FAM114A2: variants seen among roughly 807,000 people sequenced by gnomAD.
FAM114A2 encodes protein FAM114A2.
FAM114A2 carries 53 observed loss-of-function variants against 58.4 expected under a neutral mutation model. The observed-to-expected ratio is 0.91, with a 90% confidence interval of 0.73 to 1.14. FAM114A2 has a LOEUF of 1.14. Among genes scored for constraint, FAM114A2 ranks in the 50% most tolerant of loss-of-function variants. The pLI, the probability that FAM114A2 is intolerant of heterozygous loss-of-function variation, is 0.00. For missense variants in FAM114A2, 601 were observed against 581.1 expected (o/e 1.03, Z -0.35); for synonymous variants, 228 against 211.4 (o/e 1.08, Z -0.68).
chr5:154,006,876 A>C (rs1183723080), intron 9 of FAM114A2, among the ~76,000 whole-genome samples: 2 of 150,712 alleles, frequency 1.3e-5, no homozygotes, highest in Non-Finnish European at 2.9e-5. Flanking sequence ...AGCTCACTGC[A>C]ACCTCTGCCA....
At chr5:153,998,157 A>G (rs1345022935) in intron 11 of FAM114A2, among the ~76,000 whole-genome samples, 1 of 152,154 alleles carries the variant, frequency 6.6e-6, no homozygotes, top group African/African-American at 2.4e-5. Flanking sequence ...GTGTGATGAA[A>G]TCTCTCATTG....
At position 154,029,478 on chromosome 5, in the gene FAM114A2, T is replaced by C; in HGVS notation, c.495+11A>G. ...GGAAAGGAACAGACCACCTTGCACTTTTTTACTTACTGTGCTCTGAACAGC... is the reference window on the plus strand; with the variant it reads ...GGAAAGGAACAGACCACCTTGCACTCTTTTACTTACTGTGCTCTGAACAGC... On this transcript the variant is annotated intron_variant, in intron 5 of 13. Coordinates refer to ENST00000351797, the MANE Select transcript of FAM114A2 (RefSeq NM_018691.4). The C allele has an allele frequency of 1.3e-6, 2 of 1,521,880 alleles. No homozygotes were observed. Among genetic ancestry groups the C allele is most frequent in the Non-Finnish European group, 1.8e-6 (2 of 1,097,560 alleles). The allele number at this position is 1,521,880 out of a possible 1,614,324, so 94.3% of individuals were successfully genotyped here. A position where few individuals can be genotyped will look rare whatever the true frequency, so the allele number is the denominator to read the frequency against.
chr5:154,028,061 GAA>G, intron 6 of FAM114A2, 86 bp downstream of exon 6: 1 of 1,202,386 alleles, frequency 8.3e-7, no homozygotes, highest in Admixed American at 2.3e-5. Flanking sequence ...TGCTTGAAAA[GAA>G]AACACTAACA....
intron 9 of FAM114A2, among the ~76,000 whole-genome samples, chr5:154,007,839 A>G (rs2560058): frequency 0.65 from 99,089 of 152,020 alleles, 32,662 homozygotes; most frequent in East Asian, 0.88. Flanking sequence ...TGTAAGAGCT[A>G]TGTGTGTGAA....
At chr5:154,037,446 A>C (rs1354086456) in intron 1 of FAM114A2, 1 of 152,246 alleles carries the variant, frequency 6.6e-6, no homozygotes, top group Non-Finnish European at 1.5e-5. Flanking sequence ...ACCAAGTAGT[A>C]CCACAGTACC....
chr5:154,025,714 GGTCA>G (rs1365791417), intron 8 of FAM114A2, among the ~76,000 whole-genome samples: 5 of 151,824 alleles, frequency 3.3e-5, no homozygotes, highest in Non-Finnish European at 5.9e-5. Context: ...AAAAAAAAAA[GGTCA>G]GTTAGTGTAT....
At chr5:154,014,993 G>A (rs2113349690) in intron 8 of FAM114A2, among the ~76,000 whole-genome samples, 1 of 152,246 alleles carries the variant, frequency 6.6e-6, no homozygotes, top group Admixed American at 6.5e-5. Flanking sequence ...CTGGCCCTTT[G>A]GGTTGCATGG....
rs59973765 is a variant in FAM114A2 at position 154,012,633 on chromosome 5, CTT to C, written c.914-1315_914-1314del. Among the ~76,000 whole-genome samples, 498 of 152,272 alleles carry C rather than the reference CTT, an allele frequency of 3.3e-3. 2 individuals are homozygous for C. The highest frequency in any genetic ancestry group is 0.011 in the African/African-American group (468 of 41,560). On this transcript the variant is annotated intron_variant, in intron 8 of 13. Transcript: ENST00000351797. ...ATCCACTATCCTTTTGTCCCTCTCT[CTT>C]GGTGTTTAAGGCAGAGAATTAAATG...
At chr5:154,034,256 A>C in intron 3 of FAM114A2, 22 bp downstream of exon 3, 1 of 1,403,684 alleles carries the variant, frequency 7.1e-7, no homozygotes, top group Non-Finnish European at 9.8e-7. Context: ...CACAAAAATA[A>C]CTAAATGACT....
At chr5:154,004,648 G>C (rs886915386) in intron 9 of FAM114A2, among the ~76,000 whole-genome samples, 2 of 151,982 alleles carry the variant, frequency 1.3e-5, no homozygotes, top group African/African-American at 4.8e-5. Context: ...AAAATATAGG[G>C]GCCATCTTAG....
chr5:154,026,862 C>G (rs1013039515), intron 7 of FAM114A2, among the ~76,000 whole-genome samples: 1 of 140,158 alleles, frequency 7.1e-6, no homozygotes, highest in Non-Finnish European at 1.5e-5. Flanking sequence ...GGTTTCTTGG[C>G]AGCCTAGGCC....
intron 8 of FAM114A2, among the ~76,000 whole-genome samples, chr5:154,013,094 G>A (rs539700255): frequency 1.6e-4 from 25 of 152,062 alleles, no homozygotes; most frequent in South Asian, 6.2e-4. Flanking sequence ...CACATATTAT[G>A]TCTGAATGTG....
At chr5:153,999,734 T>C (rs1345462472) in intron 11 of FAM114A2, among the ~76,000 whole-genome samples, 2 of 151,872 alleles carry the variant, frequency 1.3e-5, no homozygotes, top group African/African-American at 2.4e-5. Flanking sequence ...AAAACCAGTA[T>C]GAAGATTTTT....
At chr5:154,026,167 G>A (rs1160776454) in intron 8 of FAM114A2, 4 of 271,066 alleles carry the variant, frequency 1.5e-5, no homozygotes, top group Non-Finnish European at 2.8e-5. Context: ...AGCCACAAAG[G>A]GTTTGGTTGG....
intron 8 of FAM114A2, among the ~76,000 whole-genome samples, chr5:154,017,470 T>C (rs1771115222): frequency 6.7e-6 from 1 of 148,296 alleles, no homozygotes; most frequent in African/African-American, 2.5e-5. Context: ...AAAATAAAAA[T>C]GAGATAGACA....
chr5:153,993,885 C>T (rs1448432775), intron 13 of FAM114A2, among the ~76,000 whole-genome samples: 2 of 152,102 alleles, frequency 1.3e-5, no homozygotes, highest in East Asian at 3.8e-4. Flanking sequence ...TTCAGTGTGA[C>T]ATTTAATACT....
chr5:154,027,693 G>A (rs370557059), intron 6 of FAM114A2: 5 of 196,230 alleles, frequency 2.5e-5, no homozygotes, highest in African/African-American at 4.7e-5. Context: ...AAGAGACGGG[G>A]TTTCATCATG....
At chr5:154,017,946 C>T (rs1771150056) in intron 8 of FAM114A2, among the ~76,000 whole-genome samples, 1 of 152,066 alleles carries the variant, frequency 6.6e-6, no homozygotes, top group African/African-American at 2.4e-5. Flanking sequence ...TAGGCCGAAA[C>T]ACCTACATCA....
chr5:154,002,151 C>A (rs12110040), intron 11 of FAM114A2, 100 bp downstream of exon 11: 2 of 1,093,740 alleles, frequency 1.8e-6, no homozygotes, highest in African/African-American at 1.5e-5. Context: ...ATGGGTGTGA[C>A]GTGAATGGTT....
Sources: gnomAD v4.1 joint callset for allele counts (sites outside exome capture counted in the v4.1 genomes callset) on GRCh38, gnomAD v4.1.1 for gene constraint, MANE v1.5 for transcripts, NCBI Gene and HGNC (gene_info 2026-07-23, HGNC 2026-07-21) for gene names.